Variants in SPG7 observed in about 807,000 individuals in gnomAD.
SPG7 encodes the protein mitochondrial inner membrane m-AAA protease component paraplegin.
SPG7 carries 103 observed loss-of-function variants against 81.9 expected under a neutral mutation model. That is an observed-to-expected ratio of 1.26 (90% CI 1.07 to 1.48). The LOEUF (loss-of-function observed/expected upper bound fraction) is 1.48. Ranked by LOEUF, SPG7 falls within the 40% of genes most tolerant of loss-of-function variation. The pLI is 0.00. For synonymous variants in SPG7, 534 were observed against 444.2 expected, an observed-to-expected ratio of 1.20 and a Z score of -2.54; for missense variants, 1,241 against 1,087.3, an observed-to-expected ratio of 1.14 and a Z score of -1.99.
At position 89,510,516 on chromosome 16, in the gene SPG7, T is replaced by C; in HGVS notation, c.210T>C (p.Pro70=). Residue 70 remains proline, a synonymous_variant, in exon 2 of 17, where the codon CCT becomes CCC. Transcript: ENST00000645818. ...LQSLQLRLLT[P]TFEGINGLLL... ...GCTTACAATTGAGACTGCTAACCCC[T>C]ACCTTTGAAGGGATCAACGGATTGT... is the stretch of plus-strand genomic sequence containing the variant. The C allele has an allele frequency of 1.3e-6, 2 of 1,519,200 alleles. No individual in the cohort carries two copies. The highest frequency in any genetic ancestry group is 9.1e-7 in the Non-Finnish European group (1 of 1,100,906). 94.1% of individuals were successfully genotyped at this position (1,519,200 alleles called of 1,614,324 possible).
intron 13 of SPG7, 109 bp from the exon 14 acceptor site, chr16:89,552,870 C>T (rs926255581): frequency 6.5e-6 from 7 of 1,073,280 alleles, no homozygotes; most frequent in South Asian, 4.0e-5. Context: ...GCACATTTGC[C>T]TTCCTGCTTT....
At chr16:89,546,092 CTTT>C (rs891752792) in intron 10 of SPG7, 238 of 247,516 alleles carry the variant, frequency 9.6e-4, no homozygotes, top group South Asian at 2.0e-3. Context: ...AGAGCGTTCT[CTTT>C]TTTTTTTTTT....
rs115214478 is a variant in SPG7, at chr16:89,529,900, T to C, written c.861+321T>C. The C allele has an allele frequency of 6.4e-3, 2,425 of 381,520 alleles. 51 individuals are homozygous for C. The highest frequency in any genetic ancestry group is 0.043 in the African/African-American group (2,075 of 48,124). 23.6% of individuals were successfully genotyped at this position (381,520 alleles called of 1,614,324 possible). A position where few individuals can be genotyped will look rare whatever the true frequency, so the allele number is the denominator to read the frequency against. On this transcript the variant is annotated intron_variant, in intron 6 of 16. Transcript: ENST00000645818. ...TCTTGCCCAGGCTGGAGTGCAGCCGTGCGATCTCAGCTCACCGCAACTTGC... is the reference window on the plus strand; with the variant it reads ...TCTTGCCCAGGCTGGAGTGCAGCCGCGCGATCTCAGCTCACCGCAACTTGC...
chr16:89,544,863 G>T lies in SPG7; in HGVS notation c.1449+91G>T, dbSNP rs1178202880. The T allele has an allele frequency of 7.3e-6, 11 of 1,497,766 alleles. No individual in the cohort carries two copies. In the Middle Eastern group the frequency reaches 9.6e-4, roughly 130 times the overall value. 92.8% of individuals were successfully genotyped at this position (1,497,766 alleles called of 1,614,324 possible). A position where few individuals can be genotyped will look rare whatever the true frequency, so the allele number is the denominator to read the frequency against. Reference sequence around the variant, plus strand: ...GGCCTCTCCTCTAAGACACTTCTTGGTGTGAAGCCTGTCACAGCCCCACAG... The same window carrying T: ...GGCCTCTCCTCTAAGACACTTCTTGTTGTGAAGCCTGTCACAGCCCCACAG... On this transcript the variant is annotated intron_variant, in intron 10 of 16. Transcript: ENST00000645818.
At chr16:89,522,451 C>T (rs927360890) in intron 3 of SPG7, 1 of 152,238 alleles carries the variant, frequency 6.6e-6, no homozygotes, top group Non-Finnish European at 1.5e-5. Context: ...GGCGGTTTGT[C>T]CGCAGGCGCA....
chr16:89,540,503 T>C (rs1485631282), intron 9 of SPG7: 1 of 152,162 alleles, frequency 6.6e-6, no homozygotes, highest in Non-Finnish European at 1.5e-5. Flanking sequence ...GGAGGATCAC[T>C]TGAGCCTGGC....
In SPG7 at chr16:89,529,461, CTCTT is replaced by C. The variant is rs758385553; in HGVS notation, c.759-11_759-8del. On this transcript the variant is annotated splice_polypyrimidine_tract_variant and intron_variant, in intron 5 of 16. Transcript: ENST00000645818. ...ACACCGTCTGAGCCTGTGCCTGCCT[CTCTT>C]TCTTCCGGCAGTGCCCTGTACTCTG... 8.8e-6 allele frequency: 14 copies of C among 1,585,884 alleles called. No individual in the cohort carries two copies. The highest frequency in any genetic ancestry group is 4.0e-5 in the African/African-American group (3 of 74,368).
At chr16:89,514,161 T>G (rs776789175) in intron 3 of SPG7, among the ~76,000 whole-genome samples, 3 of 152,172 alleles carry the variant, frequency 2.0e-5, no homozygotes, top group Non-Finnish European at 4.4e-5. Flanking sequence ...TTCAGCTTAC[T>G]GTTGGTTTTA....
At position 89,546,762 on chromosome 16, in the gene SPG7, T is replaced by TACGTTCTC. The variant is rs776875058; in HGVS notation, c.1552+4_1552+11dup. On this transcript the variant is annotated splice_region_variant and intron_variant, in intron 11 of 16. Transcript: ENST00000645818. ...CAGAGCTGACACCAGGATTCAGTGG[T>TACGTTCTC]ACGTTCTCAACCCGCAGCCTGGGCA... 10 of 1,603,016 alleles carry TACGTTCTC rather than the reference T, an allele frequency of 6.2e-6. No homozygotes were observed. In the East Asian group the frequency reaches 2.2e-4, roughly 36 times the overall value.
chr16:89,511,644 C>T (rs1242229829), intron 2 of SPG7, among the ~76,000 whole-genome samples: 13 of 152,162 alleles, frequency 8.5e-5, no homozygotes, highest in African/African-American at 3.1e-4. Flanking sequence ...AAGTGGCAAC[C>T]GGGGCCGTTT....
chr16:89,515,518 C>T (rs1176643257), intron 3 of SPG7, among the ~76,000 whole-genome samples: 2 of 150,080 alleles, frequency 1.3e-5, no homozygotes, highest in Non-Finnish European at 3.0e-5. Context: ...CTCCCCACTT[C>T]GGCCTCCCAA....
intron 9 of SPG7, 42 bp from the exon 10 acceptor site, chr16:89,544,606 G>A: frequency 6.2e-7 from 1 of 1,612,672 alleles, no homozygotes; most frequent in Non-Finnish European, 8.5e-7. Context: ...TGTTGTGTCA[G>A]GACCCCTACC....
chr16:89,525,791 T>A (rs1244863296), intron 4 of SPG7, among the ~76,000 whole-genome samples: 1 of 152,092 alleles, frequency 6.6e-6, no homozygotes, highest in Non-Finnish European at 1.5e-5. Flanking sequence ...AACATCTGTT[T>A]TTGGCCGTAG....
At chr16:89,514,366 G>T (rs1049882612) in intron 3 of SPG7, 1 of 131,018 alleles carries the variant, frequency 7.6e-6, no homozygotes, top group South Asian at 2.4e-4. Context: ...TGTTGCCCCG[G>T]CTGGAGTGCA....
At chr16:89,545,225 G>A in intron 10 of SPG7, 1 of 308,014 alleles carries the variant, frequency 3.2e-6, no homozygotes, top group South Asian at 2.9e-5. Context: ...TGAAATTGGG[G>A]TGGGAGTAGA....
intron 5 of SPG7, 39 bp from the exon 6 acceptor site, chr16:89,529,438 A>G (rs892228912): frequency 1.0e-5 from 14 of 1,389,528 alleles, no homozygotes; most frequent in Middle Eastern, 2.0e-4. Context: ...GTCACGTGAC[A>G]CCGTCTGAGC....
chr16:89,517,244 T>C (rs1194893504), intron 3 of SPG7: 3 of 151,918 alleles, frequency 2.0e-5, no homozygotes, highest in Non-Finnish European at 2.9e-5. Flanking sequence ...CTCTGATTCC[T>C]GGAAGGAATG....
At chr16:89,546,046 C>G in intron 10 of SPG7, 2 of 356,638 alleles carry the variant, frequency 5.6e-6, no homozygotes, top group South Asian at 2.0e-5. Flanking sequence ...TGTCAAACCC[C>G]TGGCCTCAAG....
At position 89,557,096 on chromosome 16, in the gene SPG7, G is replaced by C. The variant is rs1230476189; in HGVS notation, c.*3G>C. 1 of 1,610,292 alleles carries C rather than the reference G, an allele frequency of 6.2e-7. No homozygotes were observed. The highest frequency in any genetic ancestry group is 1.1e-5 in the South Asian group (1 of 90,954). ...AAGAGCCGACTTGGCCCAAGTAGTTGGGAGGTGTTGGCTGCACGTGCGGGT... is the reference window on the plus strand; with the variant it reads ...AAGAGCCGACTTGGCCCAAGTAGTTCGGAGGTGTTGGCTGCACGTGCGGGT... On this transcript the variant is annotated 3_prime_UTR_variant, in exon 17 of 17. Coordinates refer to ENST00000645818, the MANE Select transcript of SPG7 (RefSeq NM_003119.4).
Sources: gnomAD v4.1 joint callset for allele counts (sites outside exome capture counted in the v4.1 genomes callset) on GRCh38, gnomAD v4.1.1 for gene constraint, MANE v1.5 for transcripts, NCBI Gene and HGNC (gene_info 2026-07-23, HGNC 2026-07-21) for gene names.